CACYBP: variants seen among roughly 807,000 people sequenced by gnomAD.
CACYBP encodes calcyclin binding protein.
A neutral mutation model predicts 29.6 loss-of-function variants in CACYBP; 11 were observed. That is an observed-to-expected ratio of 0.37 (90% CI 0.23 to 0.61). CACYBP has a LOEUF of 0.61. Among genes scored for constraint, CACYBP ranks in the 20% least tolerant of loss-of-function variants. The pLI is 0.65. For missense variants in CACYBP, 163 were observed against 260.7 expected, an observed-to-expected ratio of 0.63 and a Z score of 2.58; for synonymous variants, 73 against 88.3, an observed-to-expected ratio of 0.83 and a Z score of 0.97.
At chr1:175,007,682 A>G (rs765088015) in intron 4 of CACYBP, among the ~76,000 whole-genome samples, 1 of 152,222 alleles carries the variant, frequency 6.6e-6, no homozygotes, top group Non-Finnish European at 1.5e-5. Context: ...AGTTGAAATG[A>G]TACACTGAAG....
chr1:175,001,139 G>T (rs992200916), intron 1 of CACYBP, among the ~76,000 whole-genome samples: 8 of 152,202 alleles, frequency 5.3e-5, no homozygotes, highest in Admixed American at 2.6e-4. Context: ...GTGTGTTCCA[G>T]TATTAATCTG....
intron 5 of CACYBP, chr1:175,008,954 G>T: frequency 2.6e-6 from 1 of 386,008 alleles, no homozygotes; most frequent in South Asian, 4.7e-5. Context: ...ACTCTGTTTC[G>T]GTAGTTTGAG....
At chr1:175,007,280 T>C in intron 4 of CACYBP, 83 bp downstream of exon 4, 1 of 822,436 alleles carries the variant, frequency 1.2e-6, no homozygotes, top group South Asian at 1.5e-5. Flanking sequence ...TGAACTGGAA[T>C]GAATTTGTCC....
chr1:174,999,809 C>A (rs146318167), upstream of CACYBP: 3 of 405,936 alleles, frequency 7.4e-6, no homozygotes, highest in African/African-American at 6.6e-5. Flanking sequence ...AGACATTACT[C>A]TTCTCGGATT....
Position 175,000,112 on chromosome 1 carries a change from T to G in CACYBP, c.-69T>G. ...AGGCGTCTGCGCTCGGTTTGAGGGC[T>G]CGGCGCGGGGTTTCCTGTTCCTCCT... On this transcript the variant is annotated 5_prime_UTR_variant, in exon 1 of 6. Transcript: ENST00000367679. 6.4e-7 allele frequency: 1 copy of G among 1,561,156 alleles called. No homozygotes were observed. Among genetic ancestry groups the G allele is most frequent in the Non-Finnish European group, 8.7e-7 (1 of 1,151,694 alleles).
At position 175,011,714 on chromosome 1, in the gene CACYBP, TGAAAAA is replaced by T. The variant is rs1481234560; in HGVS notation, c.*1639_*1644del. 1.3e-5 allele frequency: 2 copies of T among 152,160 alleles called. No individual in the cohort carries two copies. Among genetic ancestry groups the T allele is most frequent in the Non-Finnish European group, 2.9e-5 (2 of 68,016 alleles). The allele number at this position is 152,160 out of a possible 1,614,324, so 9.4% of individuals were successfully genotyped here. A position where few individuals can be genotyped will look rare whatever the true frequency, so the allele number is the denominator to read the frequency against. ...TAAACCAGTGTTTTTACCTTTCACT[TGAAAAA>T]GAAGTATAAAAACAACTGTATTGAG... is the stretch of plus-strand genomic sequence containing the variant. On this transcript the variant is annotated 3_prime_UTR_variant, in exon 6 of 6. Transcript: ENST00000367679.
chr1:175,008,953 C>A, intron 5 of CACYBP: 1 of 386,672 alleles, frequency 2.6e-6, no homozygotes, highest in South Asian at 4.6e-5. Flanking sequence ...TACTCTGTTT[C>A]GGTAGTTTGA....
In CACYBP at chr1:175,000,295, C is replaced by T. The variant is rs944449702; in HGVS notation, c.15+100C>T. ...TTCCGTGGGCTGAGCCGCCCTGCGG[C>T]CACCCGGTCCCGCGCCAGTCAGTGC... On this transcript the variant is annotated intron_variant, in intron 1 of 5. Transcript: ENST00000367679. 3.3e-6 allele frequency: 5 copies of T among 1,518,716 alleles called. No homozygotes were observed. The African/African-American group carries it at 4.3e-5, about 13-fold the overall frequency. 94.1% of individuals were successfully genotyped at this position (1,518,716 alleles called of 1,614,324 possible).
Position 175,009,439 on chromosome 1 carries a change from A to C in CACYBP, c.531-484A>C, listed in dbSNP as rs527450616. The stretch of plus-strand genomic sequence containing the variant: ...GGCGGGCGGATCACCTGAGGTCAGG[A>C]GTTTGAGACCAGCCTGGCCAACATG... On this transcript the variant is annotated intron_variant, in intron 5 of 5. Coordinates refer to ENST00000367679, the MANE Select transcript of CACYBP (RefSeq NM_014412.3). Among the ~76,000 whole-genome samples the C allele has an allele frequency of 7.8e-4, 119 of 152,130 alleles. 1 individual carries two copies. The Middle Eastern group carries it at 0.01, about 13-fold the overall frequency.
chr1:175,000,066 A>C lies in CACYBP; in HGVS notation c.-115A>C. 1 of 1,415,554 alleles carries C rather than the reference A, an allele frequency of 7.1e-7. No homozygotes were observed. Among genetic ancestry groups the C allele is most frequent in the Non-Finnish European group, 9.7e-7 (1 of 1,025,654 alleles). The allele number at this position is 1,415,554 out of a possible 1,614,324, so 87.7% of individuals were successfully genotyped here. On this transcript the variant is annotated 5_prime_UTR_variant, in exon 1 of 6. Coordinates refer to ENST00000367679, the MANE Select transcript of CACYBP (RefSeq NM_014412.3). ...CAGGGTCGGTGTGGGCGCAGGCTGC[A>C]GCGCCGCGACTCGTGCGGGTAGGCG...
At chr1:175,007,064 C>A (rs762764567) in intron 3 of CACYBP, 34 bp from the exon 4 acceptor site, 2 of 1,371,016 alleles carry the variant, frequency 1.5e-6, no homozygotes, top group Non-Finnish European at 2.1e-6. Flanking sequence ...TTTCATAGAA[C>A]TAGAAAGATG....
At chr1:175,002,853 CTAGA>C (rs1471714546) in intron 1 of CACYBP, among the ~76,000 whole-genome samples, 5 of 152,136 alleles carry the variant, frequency 3.3e-5, no homozygotes, top group Admixed American at 1.3e-4. Context: ...TCTCATTCTG[CTAGA>C]TAAAGTATTC....
intron 1 of CACYBP, among the ~76,000 whole-genome samples, chr1:175,002,341 G>T (rs1672513189): frequency 6.6e-6 from 1 of 152,022 alleles, no homozygotes; most frequent in Non-Finnish European, 1.5e-5. Context: ...GTGTGAAGTG[G>T]CATCTTGGGA....
intron 1 of CACYBP, among the ~76,000 whole-genome samples, chr1:175,001,581 T>A (rs1158827441): frequency 6.6e-6 from 1 of 152,266 alleles, no homozygotes; most frequent in Non-Finnish European, 1.5e-5. Flanking sequence ...TCACGCTGTA[T>A]GTGGCCTTTT....
Position 175,010,947 on chromosome 1 carries a change from G to A in CACYBP, c.*868G>A, listed in dbSNP as rs942878437. Reference sequence around the variant, plus strand: ...CTGGAGGTATTAGCCAACACAGTTAGATCAGAGAAAGCAATTGAAGCCAGG... The same window carrying A: ...CTGGAGGTATTAGCCAACACAGTTAAATCAGAGAAAGCAATTGAAGCCAGG... On this transcript the variant is annotated 3_prime_UTR_variant, in exon 6 of 6. Coordinates refer to ENST00000367679, the MANE Select transcript of CACYBP (RefSeq NM_014412.3). 1 of 151,964 alleles carries A rather than the reference G, an allele frequency of 6.6e-6. No homozygotes were observed. Among genetic ancestry groups the A allele is most frequent in the Non-Finnish European group, 1.5e-5 (1 of 67,980 alleles). 9.4% of individuals were successfully genotyped at this position (151,964 alleles called of 1,614,324 possible).
rs1200964060 is a variant in CACYBP at position 175,011,054 on chromosome 1, T to G, written c.*975T>G. The G allele has an allele frequency of 6.8e-6, 1 of 146,144 alleles. No individual in the cohort carries two copies. The highest frequency in any genetic ancestry group is 1.5e-5 in the Non-Finnish European group (1 of 67,474). The allele number at this position is 146,144 out of a possible 1,614,324, so 9.1% of individuals were successfully genotyped here. On this transcript the variant is annotated 3_prime_UTR_variant, in exon 6 of 6. Transcript: ENST00000367679. ...AGGAGTTTAAGGCTGCAGTGAGCTA[T>G]GATGATGCCACTGTACTGCAGCTTG...
chr1:175,005,285 A>G (rs1227355375), intron 2 of CACYBP, among the ~76,000 whole-genome samples: 2 of 152,324 alleles, frequency 1.3e-5, no homozygotes, highest in South Asian at 2.1e-4. Flanking sequence ...GTCCTTGCTC[A>G]TGTTGTGGTT....
At chr1:175,009,318 A>C (rs894459836) in intron 5 of CACYBP, among the ~76,000 whole-genome samples, 2 of 152,116 alleles carry the variant, frequency 1.3e-5, no homozygotes, top group African/African-American at 4.8e-5. Flanking sequence ...AAATGAAAAC[A>C]AGTTAGAAAA....
Position 175,000,107 on chromosome 1 carries a change from A to T in CACYBP, c.-74A>T. The T allele has an allele frequency of 6.4e-7, 1 of 1,555,394 alleles. No homozygotes were observed. The highest frequency in any genetic ancestry group is 8.7e-7 in the Non-Finnish European group (1 of 1,147,796). ...CGGGTAGGCGTCTGCGCTCGGTTTG[A>T]GGGCTCGGCGCGGGGTTTCCTGTTC... On this transcript the variant is annotated 5_prime_UTR_variant, in exon 1 of 6. Transcript: ENST00000367679.
Sources: allele counts gnomAD v4.1 joint callset (sites outside exome capture counted in the v4.1 genomes callset), GRCh38; gene constraint gnomAD v4.1.1; transcripts MANE v1.5; gene names NCBI Gene and HGNC (gene_info 2026-07-23, HGNC 2026-07-21).